The following TMEM117 variants were observed in gnomAD, a reference collection of about 807,000 sequenced individuals.
TMEM117 encodes the protein transmembrane protein 117.
A neutral mutation model predicts 52.4 loss-of-function variants in TMEM117; 27 were observed. The ratio of observed to expected loss-of-function variants is 0.51; its 90% CI spans 0.38 to 0.71. The LOEUF is 0.71. Among genes scored for constraint, TMEM117 ranks in the 30% least tolerant of loss-of-function variants. The pLI is 0.00. For missense variants in TMEM117, 556 were observed against 630.5 expected (o/e 0.88, Z 1.26); for synonymous variants, 215 against 206.3 (o/e 1.04, Z -0.36).
chr12:43,921,115 G>A (rs543467094), intron 2 of TMEM117, among the ~76,000 whole-genome samples: 7 of 152,078 alleles, frequency 4.6e-5, no homozygotes, highest in African/African-American at 1.2e-4. Context: ...TGAGCCCATG[G>A]CATTTTCTCA....
intron 3 of TMEM117, among the ~76,000 whole-genome samples, chr12:44,121,062 A>G (rs999896331): frequency 2.0e-5 from 3 of 152,200 alleles, no homozygotes; most frequent in African/African-American, 7.2e-5. Context: ...GTGGCAGGCA[A>G]GAGAAGAGAG....
At chr12:44,064,055 G>T (rs1470201220) in intron 3 of TMEM117, among the ~76,000 whole-genome samples, 1 of 152,038 alleles carries the variant, frequency 6.6e-6, no homozygotes, top group African/African-American at 2.4e-5. Flanking sequence ...TCCTTGAAGG[G>T]ATTACTGAGA....
chr12:44,327,430 A>T (rs1370782373), intron 6 of TMEM117, among the ~76,000 whole-genome samples: 1 of 152,208 alleles, frequency 6.6e-6, no homozygotes, highest in African/African-American at 2.4e-5. Flanking sequence ...TAAGTAGAAG[A>T]TGTTTATGAT....
intron 6 of TMEM117, among the ~76,000 whole-genome samples, chr12:44,373,665 G>A (rs962114334): frequency 6.6e-6 from 1 of 150,720 alleles, no homozygotes; most frequent in Admixed American, 6.6e-5. Context: ...CCAATTTATA[G>A]ATGAAGAGAC....
chr12:43,806,979 C>T, the TMEM117 span, among the ~76,000 whole-genome samples: 1 of 152,196 alleles, frequency 6.6e-6, no homozygotes, highest in Non-Finnish European at 1.5e-5. Flanking sequence ...TTTAGGTTGG[C>T]AGTTTATTAT....
chr12:43,839,054 G>GGTCA, intron 1 of TMEM117, among the ~76,000 whole-genome samples: 1 of 152,182 alleles, frequency 6.6e-6, no homozygotes, highest in Admixed American at 6.5e-5. Flanking sequence ...ATTTTGCCTA[G>GGTCA]GTCACATCTA....
At chr12:44,376,851 C>A in intron 7 of TMEM117, 127 bp downstream of exon 7, 3 of 1,065,198 alleles carry the variant, frequency 2.8e-6, no homozygotes, top group Non-Finnish European at 3.9e-6. Context: ...ATTCACTTAA[C>A]AGTGCAAGGT....
At chr12:44,122,048 CTT>C (rs201865850) in intron 3 of TMEM117, among the ~76,000 whole-genome samples, 31 of 138,728 alleles carry the variant, frequency 2.2e-4, no homozygotes, top group Non-Finnish European at 2.0e-4. Flanking sequence ...CTTTTCTTTT[CTT>C]TTTTTTTTTT....
chr12:43,868,547 T>A, intron 2 of TMEM117, among the ~76,000 whole-genome samples: 1 of 148,560 alleles, frequency 6.7e-6, no homozygotes. Flanking sequence ...TGAGACACCG[T>A]CTCAAAATAA....
intron 5 of TMEM117, among the ~76,000 whole-genome samples, chr12:44,219,288 C>G (rs1393046841): frequency 3.3e-5 from 5 of 151,420 alleles, no homozygotes; most frequent in African/African-American, 1.2e-4. Flanking sequence ...TTCACATTAA[C>G]TCCCTATATT....
intron 6 of TMEM117, among the ~76,000 whole-genome samples, chr12:44,362,495 G>C (rs1951733944): frequency 6.6e-6 from 1 of 152,062 alleles, no homozygotes; most frequent in Non-Finnish European, 1.5e-5. Flanking sequence ...TCAAGGCTTA[G>C]TAGGGGGACT....
intron 4 of TMEM117, among the ~76,000 whole-genome samples, chr12:44,184,943 G>C (rs1014707965): frequency 6.6e-6 from 1 of 152,030 alleles, no homozygotes; most frequent in Non-Finnish European, 1.5e-5. Context: ...TTGCTTGTAC[G>C]CCTCCCTCTG....
At chr12:44,395,691 C>G in the TMEM117 span, among the ~76,000 whole-genome samples, 3 of 152,190 alleles carry the variant, frequency 2.0e-5, no homozygotes, top group Admixed American at 6.5e-5. Flanking sequence ...GCAAGAGGTT[C>G]TTTGACTTTC....
chr12:44,388,746 G>A lies in TMEM117; in HGVS notation c.*74G>A. On this transcript the variant is annotated 3_prime_UTR_variant, in exon 8 of 8. Transcript: ENST00000266534. Reference sequence around the variant, plus strand: ...CTTTAAAAATTTAGTCTTTCCTTTTGTATATGTAAGGTTTACGTAGTGTTA... The same window carrying A: ...CTTTAAAAATTTAGTCTTTCCTTTTATATATGTAAGGTTTACGTAGTGTTA... 1.3e-6 allele frequency: 2 copies of A among 1,517,376 alleles called. No homozygotes were observed. The highest frequency in any genetic ancestry group is 1.3e-5 in the South Asian group (1 of 78,894). The allele number at this position is 1,517,376 out of a possible 1,614,324, so 94.0% of individuals were successfully genotyped here.
intron 3 of TMEM117, among the ~76,000 whole-genome samples, chr12:44,111,544 T>C (rs1363503255): frequency 1.3e-5 from 1 of 74,404 alleles, no homozygotes; most frequent in Non-Finnish European, 2.3e-5. Context: ...TCCTGAGTTC[T>C]AGTTTGATTG....
rs574662462 is a variant in TMEM117 at position 43,919,136 on chromosome 12, T to C, written c.278-25074T>C. 1.8e-4 allele frequency among the ~76,000 whole-genome samples: 28 copies of C among 152,364 alleles called. 1 individual carries two copies. The South Asian group carries it at 5.8e-3, about 32-fold the overall frequency. ...CTCTCTTTTTAAAAATTTTATTTTA[T>C]TATGGTAATAACACTGGACATGAAG... On this transcript the variant is annotated intron_variant, in intron 2 of 7. Coordinates refer to ENST00000266534, the MANE Select transcript of TMEM117 (RefSeq NM_032256.3).
At chr12:44,190,186 A>T (rs749874526) in intron 4 of TMEM117, among the ~76,000 whole-genome samples, 6 of 152,182 alleles carry the variant, frequency 3.9e-5, no homozygotes, top group Non-Finnish European at 8.8e-5. Context: ...TTTTAGTAGC[A>T]CTCAAAATGC....
At chr12:43,833,517 G>A (rs1942994263), upstream of TMEM117, among the ~76,000 whole-genome samples, 1 of 152,092 alleles carries the variant, frequency 6.6e-6, no homozygotes, top group Non-Finnish European at 1.5e-5. Flanking sequence ...GACCTCAACT[G>A]AGTGCTGTGG....
chr12:43,958,770 T>C (rs1451248868), intron 3 of TMEM117, among the ~76,000 whole-genome samples: 5 of 147,988 alleles, frequency 3.4e-5, no homozygotes, highest in Non-Finnish European at 7.5e-5. Context: ...ATGGAGACTT[T>C]CCTAAAGTGT....
Sources: gnomAD v4.1 joint callset for allele counts (sites outside exome capture counted in the v4.1 genomes callset) on GRCh38, gnomAD v4.1.1 for gene constraint, MANE v1.5 for transcripts, NCBI Gene and HGNC (gene_info 2026-07-23, HGNC 2026-07-21) for gene names.